Variants in NEBL observed in about 807,000 individuals in gnomAD.
NEBL encodes LIM and SH3 protein 2.
A neutral mutation model predicts 140.2 loss-of-function variants in NEBL; 122 were observed. The ratio of observed to expected loss-of-function variants is 0.87; its 90% CI spans 0.75 to 1.01. The LOEUF is 1.01. NEBL is among the 50% of genes least tolerant of loss of function. NEBL has a pLI of 0.00. For missense variants in NEBL, 1,365 were observed against 1,231.3 expected, an observed-to-expected ratio of 1.11 and a Z score of -1.62; for synonymous variants, 436 against 398.9, an observed-to-expected ratio of 1.09 and a Z score of -1.11.
At chr10:21,094,972 C>A (rs1394286171) in intron 2 of NEBL, among the ~76,000 whole-genome samples, 1 of 152,104 alleles carries the variant, frequency 6.6e-6, no homozygotes, top group Non-Finnish European at 1.5e-5. Context: ...GTGAAGGGAT[C>A]CAAAGTGTAG....
chr10:21,206,797 G>A (rs1841832853), intron 3 of NEBL, among the ~76,000 whole-genome samples: 1 of 151,914 alleles, frequency 6.6e-6, no homozygotes, highest in Admixed American at 6.6e-5. Context: ...GTATTCCCAC[G>A]CCAATCCCAT....
intron 5 of NEBL, among the ~76,000 whole-genome samples, chr10:20,873,755 T>G (rs569573334): frequency 3.3e-5 from 5 of 152,194 alleles, no homozygotes; most frequent in Non-Finnish European, 7.3e-5. Context: ...TAGAATAATT[T>G]TAGTCAATTC....
chr10:20,869,913 A>G, intron 5 of NEBL, 72 bp from the exon 6 acceptor site: 1 of 1,007,334 alleles, frequency 9.9e-7, no homozygotes, highest in Non-Finnish European at 1.6e-6. Context: ...CTTAGTGTTC[A>G]TAACATTATT....
At chr10:20,971,914 T>C (rs1589093228) in intron 3 of NEBL, among the ~76,000 whole-genome samples, 2 of 152,002 alleles carry the variant, frequency 1.3e-5, no homozygotes, top group African/African-American at 2.4e-5. Flanking sequence ...CGCCCAGCCA[T>C]AGAATAGAAT....
intron 2 of NEBL, among the ~76,000 whole-genome samples, chr10:21,034,017 A>G (rs1057382961): frequency 6.6e-6 from 1 of 151,746 alleles, no homozygotes; most frequent in African/African-American, 2.4e-5. Context: ...AAATACAAAA[A>G]TTAGCTGAGA....
At chr10:21,052,629 C>T (rs1427158233) in intron 2 of NEBL, among the ~76,000 whole-genome samples, 1 of 152,138 alleles carries the variant, frequency 6.6e-6, no homozygotes, top group Non-Finnish European at 1.5e-5. Flanking sequence ...TGTAGAGATG[C>T]TAAAACCAAG....
Position 21,125,799 on chromosome 10 carries a change from T to C in NEBL, c.164+46584A>G, listed in dbSNP as rs770629660. The C allele has an allele frequency of 1.4e-5, 21 of 1,533,712 alleles. No individual in the cohort carries two copies. The Admixed American group carries it at 3.4e-4, about 25-fold the overall frequency. Reference sequence around the variant, plus strand: ...TAAAATTTTATTGTATATGGTATGGTATAAGACAGTGTCCTTCAGACATTT... The same window carrying C: ...TAAAATTTTATTGTATATGGTATGGCATAAGACAGTGTCCTTCAGACATTT... On this transcript the variant is annotated intron_variant, in intron 2 of 6. Coordinates refer to the NEBL transcript ENST00000417816.
At chr10:21,076,612 C>A (rs975445255) in intron 2 of NEBL, among the ~76,000 whole-genome samples, 1 of 152,024 alleles carries the variant, frequency 6.6e-6, no homozygotes, top group African/African-American at 2.4e-5. Context: ...AAGCAACCCA[C>A]GTGTCCATCA....
intron 2 of NEBL, among the ~76,000 whole-genome samples, chr10:21,037,599 T>C (rs1350274883): frequency 6.6e-6 from 1 of 152,196 alleles, no homozygotes; most frequent in South Asian, 2.1e-4. Flanking sequence ...TGATGAAATG[T>C]TCCATACCTT....
chr10:21,008,744 C>G (rs1345205103), intron 3 of NEBL, among the ~76,000 whole-genome samples: 1 of 152,056 alleles, frequency 6.6e-6, no homozygotes, highest in Non-Finnish European at 1.5e-5. Flanking sequence ...ATAAATTAAG[C>G]TTTATTGTAG....
intron 3 of NEBL, among the ~76,000 whole-genome samples, chr10:21,207,479 A>G (rs1841845879): frequency 6.6e-6 from 1 of 152,082 alleles, no homozygotes; most frequent in African/African-American, 2.4e-5. Flanking sequence ...CCAACATCCT[A>G]ACAAAACCCA....
intron 4 of NEBL, among the ~76,000 whole-genome samples, chr10:20,950,542 T>C (rs1455869973): frequency 6.6e-6 from 1 of 152,088 alleles, no homozygotes; most frequent in Non-Finnish European, 1.5e-5. Context: ...ATGAAACACA[T>C]CCAGAAAAGT....
At chr10:21,107,800 G>A (rs11523840) in intron 2 of NEBL, among the ~76,000 whole-genome samples, 16,180 of 152,078 alleles carry the variant, frequency 0.11, 909 homozygotes, top group South Asian at 0.14. Flanking sequence ...TCTGGTCTTG[G>A]CCTATTTTTG....
At chr10:21,179,659 G>A (rs1045463504), upstream of NEBL, among the ~76,000 whole-genome samples, 1 of 151,952 alleles carries the variant, frequency 6.6e-6, no homozygotes, top group Non-Finnish European at 1.5e-5. Context: ...TGAGGCATTT[G>A]CATCTGTTGG....
At chr10:21,067,480 G>T (rs118163915) in intron 2 of NEBL, among the ~76,000 whole-genome samples, 1 of 152,282 alleles carries the variant, frequency 6.6e-6, no homozygotes, top group East Asian at 1.9e-4. Context: ...AAAGCAGGAG[G>T]AGGGAGGAGA....
intron 13 of NEBL, among the ~76,000 whole-genome samples, chr10:20,836,985 C>A (rs1840963642): frequency 6.6e-6 from 1 of 152,134 alleles, no homozygotes; most frequent in East Asian, 1.9e-4. Flanking sequence ...CTCCACTGAT[C>A]AGCCGTTCCT....
chr10:21,082,780 T>TTTTTTTAG (rs1589217445), intron 2 of NEBL, among the ~76,000 whole-genome samples: 1 of 149,316 alleles, frequency 6.7e-6, no homozygotes, highest in African/African-American at 2.5e-5. Flanking sequence ...TTTTTTTTTT[T>TTTTTTTAG]GAGACAGAGT....
intron 1 of NEBL, among the ~76,000 whole-genome samples, chr10:21,266,619 G>A (rs1216285105): frequency 6.6e-6 from 1 of 152,226 alleles, no homozygotes; most frequent in Admixed American, 6.5e-5. Context: ...AGAAGCCTTG[G>A]TTTGCCCGTG....
chr10:21,006,320 A>C (rs1838137559), intron 3 of NEBL, among the ~76,000 whole-genome samples: 1 of 152,240 alleles, frequency 6.6e-6, no homozygotes, highest in Non-Finnish European at 1.5e-5. Context: ...TTGCCAGAAC[A>C]AAACGTATTT....
Sources: allele counts gnomAD v4.1 joint callset (sites outside exome capture counted in the v4.1 genomes callset), GRCh38; gene constraint gnomAD v4.1.1; transcripts MANE v1.5; gene names NCBI Gene and HGNC (gene_info 2026-07-23, HGNC 2026-07-21).